The following MARCHF11 variants were observed in gnomAD, a reference collection of about 807,000 sequenced individuals.
MARCHF11 encodes the protein membrane associated ring-CH-type finger 11.
In MARCHF11, 29 loss-of-function variants were observed where a neutral mutation model predicts 37.3. The observed-to-expected ratio is 0.78, with a 90% CI of 0.58 to 1.06. The LOEUF is 1.06. Among genes scored for constraint, MARCHF11 ranks in the 50% least tolerant of loss-of-function variants. MARCHF11 has a pLI of 0.00. For synonymous variants in MARCHF11, 233 were observed against 228.0 expected (o/e 1.02, Z -0.20); for missense variants, 482 against 533.4 (o/e 0.90, Z 0.95).
chr5:16,067,849 G>T, intron 3 of MARCHF11, 56 bp from the exon 4 acceptor site: 1 of 1,457,386 alleles, frequency 6.9e-7, no homozygotes, highest in Non-Finnish European at 9.2e-7. Context: ...AAGGCTGGGA[G>T]TGTTATTTTG....
intron 2 of MARCHF11, among the ~76,000 whole-genome samples, chr5:16,128,536 C>T (rs1178367951): frequency 6.6e-6 from 1 of 152,058 alleles, no homozygotes; most frequent in Admixed American, 6.5e-5. Flanking sequence ...GATCAGGGTC[C>T]CACTAAAAGA....
rs1271168159 is a variant in MARCHF11 at position 16,091,073 on chromosome 5, G to A, written c.702C>T (p.Ser234=). ...CTTTCTCAACCAGTGTTATAGAAAT[G>A]CTCTGCCACTAAAAGAAAAACAGAG... The part of the protein sequence containing the change: ...IKMKQPCQWQ[S]ISITLVEKVQ... Residue 234 remains serine, a synonymous_variant, in exon 3 of 4, where the codon AGC becomes AGT. Coordinates refer to ENST00000332432, the MANE Select transcript of MARCHF11 (RefSeq NM_001102562.3). 12 of 1,581,334 alleles carry A rather than the reference G, an allele frequency of 7.6e-6. No individual in the cohort carries two copies. Among genetic ancestry groups the A allele is most frequent in the African/African-American group, 1.4e-5 (1 of 73,802 alleles).
At chr5:16,164,014 G>T (rs1012232536) in intron 2 of MARCHF11, among the ~76,000 whole-genome samples, 1 of 152,036 alleles carries the variant, frequency 6.6e-6, no homozygotes, top group African/African-American at 2.4e-5. Context: ...TGGAAGTGAA[G>T]GCTGGGCCCT....
chr5:16,163,426 T>C (rs921811488), intron 2 of MARCHF11, among the ~76,000 whole-genome samples: 4 of 152,078 alleles, frequency 2.6e-5, no homozygotes, highest in Non-Finnish European at 5.9e-5. Flanking sequence ...TAGGGAATCT[T>C]AGACTGTGCT....
chr5:16,142,221 T>C (rs1353271444), intron 2 of MARCHF11, among the ~76,000 whole-genome samples: 1 of 152,234 alleles, frequency 6.6e-6, no homozygotes, highest in African/African-American at 2.4e-5. Context: ...TATCATGTTT[T>C]AGAGGCAAGC....
chr5:16,178,392 A>T (rs535327466), intron 1 of MARCHF11, among the ~76,000 whole-genome samples: 1 of 152,324 alleles, frequency 6.6e-6, no homozygotes, highest in South Asian at 2.1e-4. Flanking sequence ...CTCAGACCAC[A>T]CATTTGTAAG....
At chr5:16,149,145 C>T (rs1296012321) in intron 2 of MARCHF11, among the ~76,000 whole-genome samples, 4 of 152,068 alleles carry the variant, frequency 2.6e-5, no homozygotes, top group Non-Finnish European at 5.9e-5. Context: ...CATTTCCTTG[C>T]CCAGTGTCCT....
intron 2 of MARCHF11, among the ~76,000 whole-genome samples, chr5:16,116,419 C>A (rs1002799835): frequency 6.6e-6 from 1 of 152,176 alleles, no homozygotes; most frequent in African/African-American, 2.4e-5. Flanking sequence ...CCTACAATTT[C>A]ATCAAACAAC....
intron 2 of MARCHF11, among the ~76,000 whole-genome samples, chr5:16,177,455 G>A (rs1452655358): frequency 6.6e-6 from 1 of 152,094 alleles, no homozygotes; most frequent in Non-Finnish European, 1.5e-5. Flanking sequence ...TTACCAACTT[G>A]CCTTTTTAGA....
intron 2 of MARCHF11, among the ~76,000 whole-genome samples, chr5:16,136,801 A>T (rs925922745): frequency 6.6e-6 from 1 of 152,170 alleles, no homozygotes; most frequent in African/African-American, 2.4e-5. Context: ...TATATACTAC[A>T]ATCAAATAAA....
At chr5:16,178,410 T>C (rs1447126636) in intron 1 of MARCHF11, among the ~76,000 whole-genome samples, 2 of 152,260 alleles carry the variant, frequency 1.3e-5, no homozygotes, top group Admixed American at 6.5e-5. Context: ...AAGGGACATA[T>C]GCTATCATTT....
At position 16,177,762 on chromosome 5, in the gene MARCHF11, G is replaced by T; in HGVS notation, c.657C>A (p.Tyr219Ter). 6.2e-7 allele frequency: 1 copy of T among 1,612,120 alleles called. No individual in the cohort carries two copies. Among genetic ancestry groups the T allele is most frequent in the South Asian group, 1.1e-5 (1 of 90,582 alleles). Reference sequence around the variant, plus strand: ...GTTTCATTTTAATGGCTATAACATGGTATCTATAACAGCAAAGTTCACAGG... The same window carrying T: ...GTTTCATTTTAATGGCTATAACATGTTATCTATAACAGCAAAGTTCACAGG... ...SWTCELCCYR[Y>*]HVIAIKMKQP... is the part of the protein sequence containing the mutation. Residue 219 changes from tyrosine to a stop codon, truncating the protein, a stop_gained, in exon 2 of 4, where the codon TAC becomes TAA. Transcript: ENST00000332432. LOFTEE classifies it high-confidence loss of function.
intron 2 of MARCHF11, among the ~76,000 whole-genome samples, chr5:16,168,535 G>C (rs1219088164): frequency 6.6e-6 from 1 of 152,146 alleles, no homozygotes; most frequent in Admixed American, 6.5e-5. Flanking sequence ...AGACTGTTTA[G>C]GAGGAGACGG....
intron 2 of MARCHF11, among the ~76,000 whole-genome samples, chr5:16,148,972 T>C (rs1737848142): frequency 6.6e-6 from 1 of 152,148 alleles, no homozygotes; most frequent in Admixed American, 6.6e-5. Context: ...AGATGGCTTC[T>C]CTGAGGTGAC....
rs529097454 is a variant in MARCHF11 at position 16,088,246 on chromosome 5, G to T, written c.886+2643C>A. On this transcript the variant is annotated intron_variant, in intron 3 of 3. Transcript: ENST00000332432. ...CTGGTGTTCAACTACCCCTTCCTGTGCATACGTCCACAACTGTGCACATCC... is the reference window on the plus strand; with the variant it reads ...CTGGTGTTCAACTACCCCTTCCTGTTCATACGTCCACAACTGTGCACATCC... Among the ~76,000 whole-genome samples the T allele has an allele frequency of 9.6e-4, 146 of 152,232 alleles. 2 individuals carry two copies. The highest frequency in any genetic ancestry group is 3.4e-3 in the African/African-American group (143 of 41,538).
At chr5:16,118,956 T>C (rs759528769) in intron 2 of MARCHF11, among the ~76,000 whole-genome samples, 2 of 152,112 alleles carry the variant, frequency 1.3e-5, no homozygotes, top group Non-Finnish European at 2.9e-5. Flanking sequence ...GGAAGGTTTG[T>C]CTGTTAGGTT....
chr5:16,070,410 T>C (rs143614937), intron 3 of MARCHF11, among the ~76,000 whole-genome samples: 6 of 152,326 alleles, frequency 3.9e-5, no homozygotes, highest in Admixed American at 2.6e-4. Flanking sequence ...TAAAAATCAA[T>C]AGTGAATCTA....
At chr5:16,162,260 C>T (rs1203405831) in intron 2 of MARCHF11, among the ~76,000 whole-genome samples, 1 of 151,780 alleles carries the variant, frequency 6.6e-6, no homozygotes. Flanking sequence ...CCCCTAAAAC[C>T]AACATCTCAC....
chr5:16,118,529 T>C (rs1397547458), intron 2 of MARCHF11, among the ~76,000 whole-genome samples: 2 of 152,150 alleles, frequency 1.3e-5, no homozygotes, highest in African/African-American at 2.4e-5. Flanking sequence ...AAGAATTCTT[T>C]TATAGACATA....
Sources: gnomAD v4.1 joint callset for allele counts (sites outside exome capture counted in the v4.1 genomes callset) on GRCh38, gnomAD v4.1.1 for gene constraint, MANE v1.5 for transcripts, NCBI Gene and HGNC (gene_info 2026-07-23, HGNC 2026-07-21) for gene names.